TFR2: variants seen among roughly 807,000 people sequenced by gnomAD.
TFR2 encodes transferrin receptor 2.
TFR2 carries 64 observed loss-of-function variants against 91.9 expected under a neutral mutation model. The observed-to-expected ratio is 0.70, with a 90% CI of 0.57 to 0.86. The LOEUF (loss-of-function observed/expected upper bound fraction) is 0.86, where lower values mean the gene tolerates loss of function less well. Among genes scored for constraint, TFR2 ranks in the 40% least tolerant of loss-of-function variants. The probability of loss-of-function intolerance (pLI) is 0.00; values close to 1 mark genes in which losing one functional copy is unlikely to be tolerated. For synonymous variants in TFR2, 454 were observed against 459.6 expected (o/e 0.99, Z 0.15); for missense variants, 950 against 1,080.5 (o/e 0.88, Z 1.69).
intron 17 of TFR2, among the ~76,000 whole-genome samples, chr7:100,622,753 T>A (rs1183735468): frequency 6.6e-6 from 1 of 150,820 alleles, no homozygotes; most frequent in Non-Finnish European, 1.5e-5. Flanking sequence ...GGTCAGGAGT[T>A]TGAGACCAGC....
Position 100,640,708 on chromosome 7 carries a change from C to G in TFR2, c.451G>C (p.Gly151Arg), listed in dbSNP as rs901881626. ...TACCTGATGGTGTCCTCCAGGCGCC[C>G]CTCCCCCAGGAACTGCAGGAACATG... is the stretch of plus-strand genomic sequence containing the variant. ...QAMFLQFLGE[G>R]RLEDTIRQTS... The change falls in exon 3 of 18, where the codon GGG becomes CGG. Residue 151 changes from glycine to arginine, a missense_variant. Coordinates refer to ENST00000223051, the MANE Select transcript of TFR2 (RefSeq NM_003227.4). 6.2e-7 allele frequency: 1 copy of G among 1,613,246 alleles called. No homozygotes were observed. Among genetic ancestry groups the G allele is most frequent in the African/African-American group, 1.3e-5 (1 of 74,876 alleles).
chr7:100,630,034 G>A (rs1474171921), intron 9 of TFR2, among the ~76,000 whole-genome samples: 3 of 151,840 alleles, frequency 2.0e-5, no homozygotes, highest in East Asian at 2.0e-4. Flanking sequence ...GTGAGCCACC[G>A]CACCCAGCCA....
At chr7:100,621,185 G>A (rs1039101186) in intron 17 of TFR2, 59 bp from the exon 18 acceptor site, 11 of 1,432,310 alleles carry the variant, frequency 7.7e-6, no homozygotes, top group Admixed American at 2.9e-5. Flanking sequence ...GCAAAGGCCC[G>A]AGTCACCCTT....
rs774129994 is a variant in TFR2 at position 100,620,806 on chromosome 7, G to A, written c.*51C>T. 29 of 1,611,644 alleles carry A rather than the reference G, an allele frequency of 1.8e-5. No homozygotes were observed. The highest frequency in any genetic ancestry group is 2.4e-5 in the Non-Finnish European group (28 of 1,178,488). On this transcript the variant is annotated 3_prime_UTR_variant, in exon 18 of 18. Coordinates refer to ENST00000223051, the MANE Select transcript of TFR2 (RefSeq NM_003227.4). ...CCTGACCCTGAATCATTCAAGCGAG[G>A]AGCAGAGGAGCTCTTGACTGGGGGA...
intron 17 of TFR2, among the ~76,000 whole-genome samples, chr7:100,626,248 G>T (rs573978370): frequency 1.8e-4 from 28 of 152,294 alleles, no homozygotes; most frequent in African/African-American, 6.5e-4. Context: ...GAAGGGATTG[G>T]TGAGGGAATA....
Position 100,633,022 on chromosome 7 carries a change from C to T in TFR2, c.828G>A (p.Gly276=). 3.1e-6 allele frequency: 5 copies of T among 1,613,818 alleles called. No individual in the cohort carries two copies. Among genetic ancestry groups the T allele is most frequent in the Non-Finnish European group, 3.4e-6 (4 of 1,179,998 alleles). The change falls in exon 6 of 18, where the codon GGG becomes GGA. Residue 276 remains glycine, a synonymous_variant. Coordinates refer to ENST00000223051, the MANE Select transcript of TFR2 (RefSeq NM_003227.4). ...PVGRLLLVRV[G]VISFAQKVTN... is the part of the protein sequence containing the mutation. ...TTACCTTCTGGGCGAAGCTGATCAC[C>T]CCCACGCGCACCAGCAGCAGGCGGC... is the stretch of plus-strand genomic sequence containing the variant.
intron 17 of TFR2, among the ~76,000 whole-genome samples, chr7:100,622,372 A>G (rs992159235): frequency 6.6e-6 from 1 of 152,096 alleles, no homozygotes; most frequent in Admixed American, 6.6e-5. Flanking sequence ...GCACCTGGAC[A>G]TATCAGTACC....
intron 3 of TFR2, among the ~76,000 whole-genome samples, chr7:100,639,361 C>T (rs1803644343): frequency 1.3e-5 from 2 of 152,162 alleles, no homozygotes; most frequent in South Asian, 4.1e-4. Context: ...GAGGGAGACT[C>T]CGTCTCAAAA....
intron 17 of TFR2, among the ~76,000 whole-genome samples, chr7:100,625,592 G>C (rs1803232039): frequency 6.6e-6 from 1 of 152,072 alleles, no homozygotes; most frequent in Non-Finnish European, 1.5e-5. Flanking sequence ...ATATAAGAAG[G>C]AGAGGAGAAG....
chr7:100,634,534 G>A (rs1452265535), intron 3 of TFR2, among the ~76,000 whole-genome samples: 1 of 152,128 alleles, frequency 6.6e-6, no homozygotes, highest in Non-Finnish European at 1.5e-5. Flanking sequence ...GAACCATGAC[G>A]ACCCGCCCCA....
At chr7:100,631,137 C>T in intron 8 of TFR2, 85 bp from the exon 9 acceptor site, 4 of 1,395,028 alleles carry the variant, frequency 2.9e-6, no homozygotes, top group Non-Finnish European at 3.8e-6. Flanking sequence ...TCTTTCCCTC[C>T]CACCCTTTCT....
At chr7:100,626,576 G>C in intron 17 of TFR2, 187 bp downstream of exon 17, 1 of 1,414,368 alleles carries the variant, frequency 7.1e-7, no homozygotes, top group Non-Finnish European at 9.2e-7. Context: ...CACTTTGATC[G>C]CTCGGGTCCT....
At chr7:100,629,584 A>C (rs1312698405) in intron 9 of TFR2, among the ~76,000 whole-genome samples, 1 of 151,960 alleles carries the variant, frequency 6.6e-6, no homozygotes, top group African/African-American at 2.4e-5. Flanking sequence ...TGGACTTACA[A>C]GGTTTCTGTC....
chr7:100,621,323 G>T (rs1231834725), intron 17 of TFR2, among the ~76,000 whole-genome samples, 197 bp from the exon 18 acceptor site: 1 of 152,086 alleles, frequency 6.6e-6, no homozygotes, highest in African/African-American at 2.4e-5. Flanking sequence ...GCACGATCTC[G>T]GCTCACTGCA....
chr7:100,641,399 C>T lies in TFR2; in HGVS notation c.33+78G>A, dbSNP rs373993138. The T allele has an allele frequency of 8.8e-4, 1,397 of 1,586,538 alleles. 2 individuals are homozygous for T. The highest frequency in any genetic ancestry group is 6.8e-3 in the Middle Eastern group (36 of 5,320). ...GGTCAGGACACGGTCCAGGAGGGGC[C>T]AGCCTCAGGGGCTTGGGAGGGGGCT... On this transcript the variant is annotated intron_variant, in intron 1 of 17. Transcript: ENST00000223051.
Position 100,633,096 on chromosome 7 carries a change from G to C in TFR2, c.754C>G (p.Arg252Gly). 1 of 1,613,442 alleles carries C rather than the reference G, an allele frequency of 6.2e-7. No homozygotes were observed. Among genetic ancestry groups the C allele is most frequent in the Admixed American group, 1.7e-5 (1 of 60,010 alleles). ...CGCAGGTCCTGCAGGTCTTCGGGCCGCCCGTAGTGGGCGTACACCAGCTCT... is the reference window on the plus strand; with the variant it reads ...CGCAGGTCCTGCAGGTCTTCGGGCCCCCCGTAGTGGGCGTACACCAGCTCT... ...TGELVYAHYGRPEDLQDLRAR... is the reference protein window; with the variant it reads ...TGELVYAHYGGPEDLQDLRAR... The change falls in exon 6 of 18, where the codon CGG becomes GGG. Residue 252 changes from arginine (R) to glycine (G), a missense_variant. Transcript: ENST00000223051.
At position 100,627,350 on chromosome 7, in the gene TFR2, G is replaced by A. The variant is rs779001760; in HGVS notation, c.1909C>T (p.Arg637Cys). 14 of 1,551,868 alleles carry A rather than the reference G, an allele frequency of 9.0e-6. No individual in the cohort carries two copies. The highest frequency in any genetic ancestry group is 1.2e-5 in the Non-Finnish European group (14 of 1,147,506). Reference protein sequence around the residue: ...GQLLIRLSHDRLLPLDFGRYG... With the variant: ...GQLLIRLSHDCLLPLDFGRYG... ...CGGCCGAAGTCGAGGGGCAGCAGGC[G>A]ATCGTGGCTGAGCCGGATGAGGAGC... Residue 637 changes from arginine to cysteine, a missense_variant, in exon 16 of 18, where the codon CGC (arginine) becomes TGC (cysteine). Coordinates refer to ENST00000223051, the MANE Select transcript of TFR2 (RefSeq NM_003227.4).
At chr7:100,634,417 T>C (rs1803535903) in intron 3 of TFR2, among the ~76,000 whole-genome samples, 1 of 152,020 alleles carries the variant, frequency 6.6e-6, no homozygotes, top group South Asian at 2.1e-4. Context: ...CACCAACCGC[T>C]GATTTTTAAA....
chr7:100,631,608 A>C (rs779576114), intron 8 of TFR2, 198 bp downstream of exon 8: 4 of 583,986 alleles, frequency 6.8e-6, no homozygotes, highest in Non-Finnish European at 1.1e-5. Context: ...TGGAAGACAG[A>C]GCAAGACTCC....
Sources: allele counts gnomAD v4.1 joint callset (sites outside exome capture counted in the v4.1 genomes callset), GRCh38; gene constraint gnomAD v4.1.1; transcripts MANE v1.5; gene names NCBI Gene and HGNC (gene_info 2026-07-23, HGNC 2026-07-21).